DIP2B: variants seen among roughly 807,000 people sequenced by gnomAD.
DIP2B encodes the protein DIP2 acetate--CoA ligase B (putative).
DIP2B carries 76 observed loss-of-function variants against 198.0 expected under a neutral mutation model. The observed-to-expected ratio is 0.38, with a 90% CI of 0.32 to 0.46. The LOEUF (loss-of-function observed/expected upper bound fraction) is 0.46, where lower values mean the gene tolerates loss of function less well. Among genes scored for constraint, DIP2B ranks in the 20% least tolerant of loss-of-function variants. The pLI, the probability that DIP2B is intolerant of heterozygous loss-of-function variation, is 0.99. For missense variants in DIP2B, 1,559 were observed against 1,978.4 expected (o/e 0.79, Z 4.02); for synonymous variants, 701 against 739.1 (o/e 0.95, Z 0.84).
chr12:50,680,794 T>C, intron 9 of DIP2B, 31 bp downstream of exon 9: 1 of 1,577,582 alleles, frequency 6.3e-7, no homozygotes, highest in Non-Finnish European at 8.7e-7. Context: ...TTTAGGGAGG[T>C]GGTGTTTATT....
At chr12:50,688,064 T>C (rs987298608) in intron 12 of DIP2B, among the ~76,000 whole-genome samples, 2 of 151,792 alleles carry the variant, frequency 1.3e-5, no homozygotes, top group Non-Finnish European at 2.9e-5. Flanking sequence ...TAAAAAAAAT[T>C]AGCTGGGCAT....
Position 50,600,697 on chromosome 12 carries a change from T to G in DIP2B, c.101-25279T>G, listed in dbSNP as rs537875797. ...TTTTTTCCCCTTCCAAAAATTACCT[T>G]TTAAAGATGAATGAGTGAGTGGGAG... On this transcript the variant is annotated intron_variant, in intron 1 of 37. Transcript: ENST00000301180. Among the ~76,000 whole-genome samples, 155 of 152,366 alleles carry G rather than the reference T, an allele frequency of 1.0e-3. 1 individual carries two copies. Among genetic ancestry groups the G allele is most frequent in the Middle Eastern group, 3.4e-3 (1 of 294 alleles).
intron 1 of DIP2B, among the ~76,000 whole-genome samples, chr12:50,546,227 A>C (rs1469061449): frequency 1.3e-5 from 2 of 152,202 alleles, no homozygotes; most frequent in African/African-American, 4.8e-5. Flanking sequence ...AAATATCGTT[A>C]ACTAGTATCA....
intron 2 of DIP2B, among the ~76,000 whole-genome samples, chr12:50,632,940 T>C (rs1938087708): frequency 6.6e-6 from 1 of 150,952 alleles, no homozygotes. Flanking sequence ...AGTGATTTTT[T>C]TTCTTAAAAA....
chr12:50,719,911 A>G (rs1939803367), intron 25 of DIP2B, among the ~76,000 whole-genome samples: 1 of 147,660 alleles, frequency 6.8e-6, no homozygotes, highest in African/African-American at 2.5e-5. Context: ...TAATATATAA[A>G]TATATATAAA....
intron 28 of DIP2B, among the ~76,000 whole-genome samples, chr12:50,726,711 G>A (rs1939942663): frequency 6.7e-6 from 1 of 149,848 alleles, no homozygotes. Context: ...ATGTTACCCA[G>A]GTTGGTCTCA....
intron 1 of DIP2B, among the ~76,000 whole-genome samples, chr12:50,538,945 CTGT>C (rs947467066): frequency 2.5e-4 from 38 of 152,090 alleles, no homozygotes; most frequent in Non-Finnish European, 4.9e-4. Flanking sequence ...TACTCAACTG[CTGT>C]TGTTTCTTAT....
chr12:50,744,779 C>T lies in DIP2B; in HGVS notation c.4671C>T (p.His1557=). Residue 1557 remains histidine, a synonymous_variant, in exon 38 of 38, where the codon CAC becomes CAT. Coordinates refer to ENST00000301180, the MANE Select transcript of DIP2B (RefSeq NM_173602.3). ...CCAGAGGAGAGAAGCAGAGGATGCA[C>T]CTCCGTGATAGCTTCCTAGCTGACC... is the stretch of plus-strand genomic sequence containing the variant. ...INSRGEKQRM[H]LRDSFLADQL... 1.9e-6 allele frequency: 3 copies of T among 1,614,178 alleles called. No homozygotes were observed. Among genetic ancestry groups the T allele is most frequent in the Non-Finnish European group, 1.7e-6 (2 of 1,180,026 alleles).
At chr12:50,512,850 C>T (rs1318628333) in intron 1 of DIP2B, among the ~76,000 whole-genome samples, 1 of 152,088 alleles carries the variant, frequency 6.6e-6, no homozygotes, top group Non-Finnish European at 1.5e-5. Flanking sequence ...TACTAAAATA[C>T]AAAAAAATTA....
chr12:50,560,106 A>G (rs1190006671), intron 1 of DIP2B, among the ~76,000 whole-genome samples: 1 of 152,022 alleles, frequency 6.6e-6, no homozygotes, highest in Non-Finnish European at 1.5e-5. Flanking sequence ...GTGAAACCCC[A>G]TCTCTACTAA....
intron 4 of DIP2B, 25 bp from the exon 5 acceptor site, chr12:50,671,161 C>T (rs1353717049): frequency 6.2e-7 from 1 of 1,611,030 alleles, no homozygotes; most frequent in Non-Finnish European, 8.5e-7. Context: ...GGATCGAGAA[C>T]TTCTTTTTTT....
At chr12:50,719,302 A>G (rs966827105) in intron 25 of DIP2B, among the ~76,000 whole-genome samples, 3 of 152,248 alleles carry the variant, frequency 2.0e-5, no homozygotes, top group African/African-American at 7.2e-5. Flanking sequence ...AATGGAGCCA[A>G]CAATGCAATT....
intron 4 of DIP2B, among the ~76,000 whole-genome samples, chr12:50,666,504 A>G (rs1316123305): frequency 6.6e-6 from 1 of 152,228 alleles, no homozygotes; most frequent in Non-Finnish European, 1.5e-5. Context: ...TAAAAAATGT[A>G]TACAGGAGCA....
chr12:50,721,168 C>A, intron 25 of DIP2B, 105 bp from the exon 26 acceptor site: 1 of 1,472,438 alleles, frequency 6.8e-7, no homozygotes, highest in South Asian at 1.4e-5. Flanking sequence ...TAAGGATAAT[C>A]TACAAAAGCA....
intron 14 of DIP2B, 65 bp from the exon 15 acceptor site, chr12:50,695,202 C>T: frequency 1.5e-6 from 2 of 1,334,876 alleles, no homozygotes; most frequent in East Asian, 2.3e-5. Flanking sequence ...AAAATACCAG[C>T]TCAATTTTAA....
At position 50,747,725 on chromosome 12, in the gene DIP2B, G is replaced by A. The variant is rs1940359084; in HGVS notation, c.*2886G>A. On this transcript the variant is annotated 3_prime_UTR_variant, in exon 38 of 38. Transcript: ENST00000301180. Reference sequence around the variant, plus strand: ...AACATATTCTGTCTGGGTTTTTAATGTCTGTGGAAAAAAACTAAACAAGTC... The same window carrying A: ...AACATATTCTGTCTGGGTTTTTAATATCTGTGGAAAAAAACTAAACAAGTC... 6.6e-6 allele frequency: 1 copy of A among 152,184 alleles called. No homozygotes were observed. The allele number at this position is 152,184 out of a possible 1,614,324, so 9.4% of individuals were successfully genotyped here.
At chr12:50,671,443 G>T in intron 5 of DIP2B, 45 bp downstream of exon 5, 1 of 1,592,586 alleles carries the variant, frequency 6.3e-7, no homozygotes, top group African/African-American at 1.3e-5. Flanking sequence ...CATTCCATTT[G>T]GCTCCCAGTA....
intron 4 of DIP2B, among the ~76,000 whole-genome samples, chr12:50,661,808 GT>G (rs1393683323): frequency 2.0e-5 from 3 of 152,218 alleles, no homozygotes; most frequent in Admixed American, 6.5e-5. Context: ...ATGACATGTA[GT>G]TCTTGGAAAT....
At chr12:50,565,128 G>T (rs1958552467) in intron 1 of DIP2B, among the ~76,000 whole-genome samples, 1 of 151,834 alleles carries the variant, frequency 6.6e-6, no homozygotes, top group Non-Finnish European at 1.5e-5. Context: ...TCAGCCCCCT[G>T]AGTAGCTGGG....
Sources: gnomAD v4.1 joint callset for allele counts (sites outside exome capture counted in the v4.1 genomes callset) on GRCh38, gnomAD v4.1.1 for gene constraint, MANE v1.5 for transcripts, NCBI Gene and HGNC (gene_info 2026-07-23, HGNC 2026-07-21) for gene names.